Variants in BCAT2 observed in about 807,000 individuals in gnomAD.
The protein encoded by BCAT2 is branched chain amino acid transaminase 2, also known as branched-chain-amino-acid aminotransferase, mitochondrial.
BCAT2 carries 44 observed loss-of-function variants against 52.9 expected under a neutral mutation model. The observed-to-expected ratio is 0.83, with a 90% CI of 0.65 to 1.07. The LOEUF (loss-of-function observed/expected upper bound fraction) is 1.07. BCAT2 is among the 50% of genes least tolerant of loss of function. The pLI is 0.00. For missense variants in BCAT2, 478 were observed against 521.8 expected, an observed-to-expected ratio of 0.92 and a Z score of 0.82; for synonymous variants, 215 against 217.1, an observed-to-expected ratio of 0.99 and a Z score of 0.08.
At chr19:48,795,625 A>C (rs2034492079) in intron 10 of BCAT2, among the ~76,000 whole-genome samples, 161 bp from the exon 11 acceptor site, 1 of 152,102 alleles carries the variant, frequency 6.6e-6, no homozygotes. Flanking sequence ...GGAACGGGGA[A>C]TCAAGGCTAA....
intron 3 of BCAT2, among the ~76,000 whole-genome samples, chr19:48,806,248 C>T (rs1382858303): frequency 6.6e-6 from 1 of 150,538 alleles, no homozygotes; most frequent in Non-Finnish European, 1.5e-5. Flanking sequence ...TACTGGCCTC[C>T]ACAGGGCCTC....
At chr19:48,803,886 G>A (rs368508612) in intron 3 of BCAT2, among the ~76,000 whole-genome samples, 2 of 151,530 alleles carry the variant, frequency 1.3e-5, no homozygotes, top group South Asian at 4.2e-4. Flanking sequence ...GAGGCTGGGC[G>A]CCGTGGCTCA....
intron 3 of BCAT2, among the ~76,000 whole-genome samples, chr19:48,805,107 C>CCTGCTAACCAGTTA (rs2034738404): frequency 1.3e-5 from 2 of 152,152 alleles, no homozygotes; most frequent in Non-Finnish European, 2.9e-5. Context: ...AATCAGCCAA[C>CCTGCTAACCAGTTA]CTGCTAACCA....
At chr19:48,795,664 GTTCT>G (rs2034493619) in intron 10 of BCAT2, among the ~76,000 whole-genome samples, 200 bp from the exon 11 acceptor site, 7 of 152,180 alleles carry the variant, frequency 4.6e-5, no homozygotes, top group Non-Finnish European at 7.3e-5. Flanking sequence ...GGGAGATGTA[GTTCT>G]GAAGACAGGA....
chr19:48,807,845 A>G lies in BCAT2; in HGVS notation c.25-771T>C. Reference sequence around the variant, plus strand: ...CTACAGGGGCCTGGGGAGCCACTGCAGTCCTCACTGCATGAGGCTCAGGCG... The same window carrying G: ...CTACAGGGGCCTGGGGAGCCACTGCGGTCCTCACTGCATGAGGCTCAGGCG... On this transcript the variant is annotated intron_variant, in intron 1 of 10. Coordinates refer to ENST00000316273, the MANE Select transcript of BCAT2 (RefSeq NM_001190.4). The surrounding 1 kb of genome is among the most constrained non-coding windows in gnomAD (Gnocchi z 4.6). 1 of 985,700 alleles carries G rather than the reference A, an allele frequency of 1.0e-6. No homozygotes were observed. The highest frequency in any genetic ancestry group is 1.2e-6 in the Non-Finnish European group (1 of 830,034). 61.1% of individuals were successfully genotyped at this position (985,700 alleles called of 1,614,324 possible).
intron 1 of BCAT2, 31 bp downstream of exon 1, chr19:48,810,953 C>T (rs1352895424): frequency 1.2e-6 from 2 of 1,605,344 alleles, no homozygotes; most frequent in Non-Finnish European, 1.7e-6. Flanking sequence ...CCGGTTATTT[C>T]CCAGACCCCG....
chr19:48,806,934 G>C, intron 2 of BCAT2, 66 bp downstream of exon 2: 1 of 1,556,374 alleles, frequency 6.4e-7, no homozygotes, highest in Non-Finnish European at 8.9e-7. Context: ...ACCTTTTGGA[G>C]ATGCCCAAAA....
At position 48,799,870 on chromosome 19, in the gene BCAT2, C is replaced by G; in HGVS notation, c.532-32G>C. ...CGGGCAAAGGGACAGCGTCAGGAGTCCAGGCCCCCAGTCCCTTCCCGTCCC... is the reference window on the plus strand; with the variant it reads ...CGGGCAAAGGGACAGCGTCAGGAGTGCAGGCCCCCAGTCCCTTCCCGTCCC... On this transcript the variant is annotated intron_variant, in intron 5 of 10. Transcript: ENST00000316273. The surrounding 1 kb of genome is among the most constrained non-coding windows in gnomAD (Gnocchi z 5.5). 2 of 1,576,180 alleles carry G rather than the reference C, an allele frequency of 1.3e-6. No homozygotes were observed. The highest frequency in any genetic ancestry group is 1.7e-6 in the Non-Finnish European group (2 of 1,161,670).
In BCAT2 at chr19:48,797,337, G is replaced by A; in HGVS notation, c.696-4C>T. 1 of 1,613,930 alleles carries A rather than the reference G, an allele frequency of 6.2e-7. No individual in the cohort carries two copies. ...TAACACGGTGGGCCCATAATTCCTG[G>A]TGGAGGGCAGTCTGGTTGGGTGGGG... On this transcript the variant is annotated splice_region_variant and splice_polypyrimidine_tract_variant and intron_variant, in intron 6 of 10. Coordinates refer to ENST00000316273, the MANE Select transcript of BCAT2 (RefSeq NM_001190.4).
chr19:48,800,652 A>C (rs1426262059), intron 3 of BCAT2, among the ~76,000 whole-genome samples: 1 of 152,136 alleles, frequency 6.6e-6, no homozygotes, highest in African/African-American at 2.4e-5. Context: ...CTCTACCAAA[A>C]AATACGAAAA....
At chr19:48,808,944 C>CAAATT (rs1162640660) in intron 1 of BCAT2, among the ~76,000 whole-genome samples, 2 of 151,588 alleles carry the variant, frequency 1.3e-5, no homozygotes, top group Non-Finnish European at 2.9e-5. Flanking sequence ...TATGGTGGCA[C>CAAATT]ACACCTGTAA....
chr19:48,801,012 G>T (rs1386871361), intron 3 of BCAT2, among the ~76,000 whole-genome samples: 3 of 151,528 alleles, frequency 2.0e-5, no homozygotes, highest in African/African-American at 7.3e-5. Context: ...TTTTGAGACA[G>T]GGTCTCACTC....
chr19:48,798,096 G>T (rs2034572432), intron 6 of BCAT2, among the ~76,000 whole-genome samples: 1 of 151,974 alleles, frequency 6.6e-6, no homozygotes, highest in African/African-American at 2.4e-5. Context: ...GTAGAGACGG[G>T]GTTTCACCAT....
rs771599764 is a variant in BCAT2, at chr19:48,796,520, G to A, written c.1066-18C>T. ...TGGAGGTTCTGGGACAGAAGGTGCG[G>A]TGAGGACCAAGCCCCTCCCCTCCTT... On this transcript the variant is annotated intron_variant, in intron 9 of 10. Coordinates refer to ENST00000316273, the MANE Select transcript of BCAT2 (RefSeq NM_001190.4). 2.5e-6 allele frequency: 4 copies of A among 1,611,900 alleles called. No homozygotes were observed. The highest frequency in any genetic ancestry group is 3.4e-6 in the Non-Finnish European group (4 of 1,179,432).
Position 48,800,184 on chromosome 19 carries a change from C to T in BCAT2, c.411+3G>A, listed in dbSNP as rs1323654095. On this transcript the variant is annotated splice_donor_region_variant and intron_variant, in intron 4 of 10. Coordinates refer to ENST00000316273, the MANE Select transcript of BCAT2 (RefSeq NM_001190.4). The stretch of plus-strand genomic sequence containing the variant: ...CCCACCCCGGTGGACCGGGACCCCT[C>T]ACCGGCAGGCACAGGCGCATGGCTG... The T allele has an allele frequency of 6.2e-7, 1 of 1,613,094 alleles. No individual in the cohort carries two copies. The highest frequency in any genetic ancestry group is 8.5e-7 in the Non-Finnish European group (1 of 1,179,684).
Position 48,796,696 on chromosome 19 carries a change from C to A in BCAT2, c.947G>T (p.Arg316Leu). ...QTWGEFRVVE[R>L]TITMKQLLRA... ...CAGCAACTGCTTCATGGTGATCGTG[C>A]GCTCCACCACCCGGAACTCACCCTG... The change falls in exon 9 of 11, where the codon CGC becomes CTC. Residue 316 changes from arginine (R) to leucine (L), a missense_variant. Transcript: ENST00000316273. The A allele has an allele frequency of 6.2e-7, 1 of 1,612,556 alleles. No homozygotes were observed. The highest frequency in any genetic ancestry group is 8.5e-7 in the Non-Finnish European group (1 of 1,179,818).
chr19:48,808,931 A>G (rs1475324574), intron 1 of BCAT2, among the ~76,000 whole-genome samples: 1 of 151,798 alleles, frequency 6.6e-6, no homozygotes, highest in East Asian at 1.9e-4. Flanking sequence ...AAAATTAGCC[A>G]GGTATGGTGG....
At chr19:48,806,201 G>C (rs1379743716) in intron 3 of BCAT2, among the ~76,000 whole-genome samples, 2 of 148,764 alleles carry the variant, frequency 1.3e-5, no homozygotes, top group African/African-American at 5.0e-5. Flanking sequence ...TATGCCAGAA[G>C]AAGCCATGCT....
rs964136120 is a variant in BCAT2, at chr19:48,797,005, G to A, written c.856C>T (p.Pro286Ser). 4.3e-6 allele frequency: 7 copies of A among 1,614,058 alleles called. No individual in the cohort carries two copies. The African/African-American group carries it at 6.7e-5, about 15-fold the overall frequency. ...GGCAGGATAACACCATTCAGCGGGG[G>A]CGTCACCAGCTCCAGCACTAGGGCA... ...HEDGVLELVT[P>S]PLNGVILPGV... Residue 286 changes from proline to serine, a missense_variant, in exon 8 of 11, where the codon CCC becomes TCC. Transcript: ENST00000316273.
Sources: gnomAD v4.1 joint callset for allele counts (sites outside exome capture counted in the v4.1 genomes callset) on GRCh38, gnomAD v4.1.1 for gene constraint, Gnocchi (gnomAD v3.1) non-coding constraint, MANE v1.5 for transcripts, NCBI Gene and HGNC (gene_info 2026-07-23, HGNC 2026-07-21) for gene names.